The following CBFA2T2 variants were observed in gnomAD, a reference collection of about 807,000 sequenced individuals.
CBFA2T2 encodes protein CBFA2T2.
Under a neutral mutation model 62.2 loss-of-function variants are expected in CBFA2T2, and 11 were observed. The ratio of observed to expected loss-of-function variants is 0.18; its 90% CI spans 0.11 to 0.29. CBFA2T2 has a LOEUF of 0.29. Among genes scored for constraint, CBFA2T2 ranks in the 10% least tolerant of loss-of-function variants. CBFA2T2 has a pLI of 1.00. For missense variants in CBFA2T2, 592 were observed against 774.1 expected (o/e 0.76, Z 2.79); for synonymous variants, 295 against 287.5 (o/e 1.03, Z -0.27).
At chr20:33,540,549 A>G (rs1239475539) in intron 1 of CBFA2T2, among the ~76,000 whole-genome samples, 1 of 152,226 alleles carries the variant, frequency 6.6e-6, no homozygotes, top group Admixed American at 6.5e-5. Context: ...TTAATATGCA[A>G]AGCAGCCCTT....
At chr20:33,507,490 T>C (rs950228663) in intron 1 of CBFA2T2, among the ~76,000 whole-genome samples, 13 of 152,228 alleles carry the variant, frequency 8.5e-5, no homozygotes, top group African/African-American at 2.9e-4. Flanking sequence ...TTGGACTGGC[T>C]ATGTATTTAG....
At chr20:33,548,311 T>C (rs1429309254) in intron 1 of CBFA2T2, among the ~76,000 whole-genome samples, 1 of 151,714 alleles carries the variant, frequency 6.6e-6, no homozygotes, top group Non-Finnish European at 1.5e-5. Context: ...AGTCACGCAA[T>C]CGGCTCACTG....
intron 1 of CBFA2T2, among the ~76,000 whole-genome samples, chr20:33,551,351 G>C (rs2012736555): frequency 6.6e-6 from 1 of 151,926 alleles, no homozygotes; most frequent in Non-Finnish European, 1.5e-5. Flanking sequence ...CAAGTAGCTG[G>C]AATTACAGGC....
chr20:33,536,521 A>G (rs187176159), intron 1 of CBFA2T2, among the ~76,000 whole-genome samples: 16,950 of 130,610 alleles, frequency 0.13, 2,674 homozygotes, highest in African/African-American at 0.38. Flanking sequence ...GGGTGGAGAC[A>G]CTCCTCACTT....
chr20:33,543,507 A>G (rs2012460356), intron 1 of CBFA2T2, among the ~76,000 whole-genome samples: 1 of 152,188 alleles, frequency 6.6e-6, no homozygotes, highest in South Asian at 2.1e-4. Flanking sequence ...ATTAGAGTTC[A>G]AAGAAGTGGG....
At chr20:33,567,142 A>G (rs2013354921) in intron 1 of CBFA2T2, among the ~76,000 whole-genome samples, 1 of 152,234 alleles carries the variant, frequency 6.6e-6, no homozygotes, top group South Asian at 2.1e-4. Flanking sequence ...ACTTTTGAGA[A>G]CTATATGATG....
intron 1 of CBFA2T2, among the ~76,000 whole-genome samples, chr20:33,532,308 A>G (rs142532216): frequency 1.6e-4 from 24 of 152,324 alleles, no homozygotes; most frequent in African/African-American, 5.5e-4. Flanking sequence ...AATTCTGTCA[A>G]AGGTACACAA....
At position 33,494,241 on chromosome 20, in the gene CBFA2T2, G is replaced by GTATATA. The variant is rs778133366; in HGVS notation, c.34+3941_34+3942insATATAT. Among the ~76,000 whole-genome samples, 22 of 41,896 alleles carry GTATATA rather than the reference G, an allele frequency of 5.3e-4. 1 individual carries two copies. Among genetic ancestry groups the GTATATA allele is most frequent in the Non-Finnish European group, 7.9e-4 (19 of 24,104 alleles). 27.5% of individuals were successfully genotyped at this position (41,896 alleles called of 152,430 possible). On this transcript the variant is annotated intron_variant, in intron 1 of 10. Transcript: ENST00000342704. ...TGTACTATGTATTAGGCATATATAT[G>GTATATA]TGTATATATATATATATATATATAT...
At chr20:33,536,447 C>G (rs2012239131) in intron 1 of CBFA2T2, among the ~76,000 whole-genome samples, 1 of 149,136 alleles carries the variant, frequency 6.7e-6, no homozygotes, top group Non-Finnish European at 1.5e-5. Flanking sequence ...CACCTCCCTC[C>G]CGGACGGGGC....
intron 1 of CBFA2T2, among the ~76,000 whole-genome samples, chr20:33,534,751 CTTTTT>C (rs11167206): frequency 5.4e-5 from 5 of 92,960 alleles, no homozygotes; most frequent in African/African-American, 1.7e-4. Flanking sequence ...ATCTTTTTAG[CTTTTT>C]TTTTTTTTTT....
At position 33,497,539 on chromosome 20, in the gene CBFA2T2, C is replaced by G. The variant is rs8118952; in HGVS notation, c.34+7238C>G. On this transcript the variant is annotated intron_variant, in intron 1 of 10. Coordinates refer to ENST00000342704, the MANE Select transcript of CBFA2T2 (RefSeq NM_001032999.3). ...GCTGGGACCATGACTGTGTTTGAAG[C>G]TTGTATACTTTTTTTTTTTTTTTTT... Among the ~76,000 whole-genome samples the G allele has an allele frequency of 7.1e-3, 1,010 of 142,450 alleles. 18 individuals carry two copies. Among genetic ancestry groups the G allele is most frequent in the African/African-American group, 0.026 (980 of 37,964 alleles). The allele number at this position is 142,450 out of a possible 152,430, so 93.5% of individuals were successfully genotyped here.
intron 1 of CBFA2T2, among the ~76,000 whole-genome samples, chr20:33,526,381 C>T (rs1357345564): frequency 1.3e-5 from 2 of 152,136 alleles, no homozygotes; most frequent in African/African-American, 4.8e-5. Flanking sequence ...GGAACCTAAC[C>T]GTGTGTTTTC....
At position 33,636,434 on chromosome 20, in the gene CBFA2T2, T is replaced by G. The variant is rs185086443; in HGVS notation, c.1229-206T>G. 3.3e-5 allele frequency among the ~76,000 whole-genome samples: 5 copies of G among 152,266 alleles called. No homozygotes were observed. The East Asian group carries it at 9.6e-4, about 29-fold the overall frequency. Reference sequence around the variant, plus strand: ...CTCACTACTTTGAAATACTGTTAATTTGTTCATTTGATGGGGGTGTGTGTT... The same window carrying G: ...CTCACTACTTTGAAATACTGTTAATGTGTTCATTTGATGGGGGTGTGTGTT... On this transcript the variant is annotated intron_variant, in intron 8 of 10. Coordinates refer to ENST00000342704, the MANE Select transcript of CBFA2T2 (RefSeq NM_001032999.3).
intron 1 of CBFA2T2, among the ~76,000 whole-genome samples, chr20:33,500,785 C>A (rs949254080): frequency 6.6e-6 from 1 of 151,966 alleles, no homozygotes; most frequent in Admixed American, 6.6e-5. Flanking sequence ...CTATATGAGA[C>A]CTTGTTCAGG....
chr20:33,602,336 T>G (rs2015170479), intron 1 of CBFA2T2, among the ~76,000 whole-genome samples: 1 of 151,272 alleles, frequency 6.6e-6, no homozygotes, highest in Admixed American at 6.6e-5. Context: ...GAGACCTAAA[T>G]TTTTCTTCTT....
Position 33,629,770 on chromosome 20 carries a change from G to C in CBFA2T2, c.1084G>C (p.Val362Leu), listed in dbSNP as rs2016382005. ...MVEKTRRSMA[V>L]LRRCQESDRE... ...AGAGAAAACAAGGCGCTCTATGGCA[G>C]TTCTGCGGCGCTGTCAGGAATCAGA... The change falls in exon 8 of 11, where the codon GTT becomes CTT. Residue 362 changes from valine to leucine, a missense_variant. Around this residue, in one of 3 missense-constraint regions of CBFA2T2, gnomAD observed 449 missense variants for 551.2 expected, o/e 0.81. Transcript: ENST00000342704. 6.2e-7 allele frequency: 1 copy of C among 1,614,164 alleles called. No individual in the cohort carries two copies. Among genetic ancestry groups the C allele is most frequent in the Non-Finnish European group, 8.5e-7 (1 of 1,180,034 alleles).
chr20:33,556,087 G>A (rs1419444294), intron 1 of CBFA2T2, among the ~76,000 whole-genome samples: 2 of 152,114 alleles, frequency 1.3e-5, no homozygotes, highest in African/African-American at 2.4e-5. Context: ...GGCTGGTCTC[G>A]AACTCCTTAC....
At chr20:33,629,567 C>G in intron 7 of CBFA2T2, 152 bp from the exon 8 acceptor site, 1 of 694,474 alleles carries the variant, frequency 1.4e-6, no homozygotes, top group Non-Finnish European at 2.4e-6. Context: ...GATGGAGAAA[C>G]AGACAGCAAT....
rs1210156673 is a variant in CBFA2T2 at position 33,648,657 on chromosome 20, G to C, written c.*4011G>C. 6.6e-6 allele frequency: 1 copy of C among 152,186 alleles called. No individual in the cohort carries two copies. The highest frequency in any genetic ancestry group is 1.5e-5 in the Non-Finnish European group (1 of 68,052). 9.4% of individuals were successfully genotyped at this position (152,186 alleles called of 1,614,324 possible). ...ACCGATTGCGTAGATTATTTCTAGG[G>C]CAGTGCTGGGTTAGAAATGTCTGTC... On this transcript the variant is annotated 3_prime_UTR_variant, in exon 11 of 11. Transcript: ENST00000342704.
Sources: allele counts gnomAD v4.1 joint callset (sites outside exome capture counted in the v4.1 genomes callset), GRCh38; gene constraint gnomAD v4.1.1; regional missense constraint gnomAD v4.1.1; transcripts MANE v1.5; gene names NCBI Gene and HGNC (gene_info 2026-07-23, HGNC 2026-07-21).